Variants in CTNNAL1 observed in about 807,000 individuals in gnomAD.
CTNNAL1 encodes the protein alpha-catulin.
A neutral mutation model predicts 93.6 loss-of-function variants in CTNNAL1; 69 were observed. That is an observed-to-expected ratio of 0.74 (90% CI 0.61 to 0.90). The LOEUF (loss-of-function observed/expected upper bound fraction) is 0.90. CTNNAL1 is among the 40% of genes least tolerant of loss of function. The probability of loss-of-function intolerance (pLI) is 0.00; values close to 1 mark genes in which losing one functional copy is unlikely to be tolerated. For synonymous variants in CTNNAL1, 286 were observed against 305.4 expected (o/e 0.94, Z 0.66); for missense variants, 836 against 862.0 (o/e 0.97, Z 0.38).
chr9:108,979,402 T>C lies in CTNNAL1; in HGVS notation c.980A>G (p.Glu327Gly). Residue 327 changes from glutamate (E) to glycine (G), a missense_variant, in exon 7 of 19, where the codon GAG becomes GGG. Coordinates refer to ENST00000325551, the MANE Select transcript of CTNNAL1 (RefSeq NM_003798.4). ...AGAATCAGTAAAGTCCTCCATACGC[T>C]CCAAGATGACTTCCAATGTCACAGA... is the stretch of plus-strand genomic sequence containing the variant. The part of the protein sequence containing the change: ...NLSVTLEVIL[E>G]RMEDFTDSAY... 1 of 1,614,068 alleles carries C rather than the reference T, an allele frequency of 6.2e-7. No homozygotes were observed. Among genetic ancestry groups the C allele is most frequent in the Non-Finnish European group, 8.5e-7 (1 of 1,179,998 alleles).
intron 17 of CTNNAL1, among the ~76,000 whole-genome samples, 181 bp from the exon 18 acceptor site, chr9:108,943,225 G>C (rs1017051690): frequency 1.3e-5 from 2 of 152,182 alleles, no homozygotes; most frequent in Admixed American, 1.3e-4. Flanking sequence ...AGGGGTAGCT[G>C]CCTAGATTTC....
At chr9:108,967,044 C>G (rs1830973709) in intron 10 of CTNNAL1, among the ~76,000 whole-genome samples, 2 of 152,162 alleles carry the variant, frequency 1.3e-5, no homozygotes, top group East Asian at 3.9e-4. Flanking sequence ...CCACTTTCAC[C>G]TTCTATTCAT....
At chr9:108,948,593 A>T (rs1252730934) in intron 14 of CTNNAL1, among the ~76,000 whole-genome samples, 1 of 152,206 alleles carries the variant, frequency 6.6e-6, no homozygotes, top group Non-Finnish European at 1.5e-5. Context: ...TGGAAAGAGG[A>T]TCAAACCAAA....
chr9:108,981,464 CA>C (rs56666676), intron 6 of CTNNAL1, among the ~76,000 whole-genome samples: 30,669 of 135,810 alleles, frequency 0.23, 3,768 homozygotes, highest in East Asian at 0.32. Context: ...CTCTCCTCCT[CA>C]AAAAAAAAAG....
intron 6 of CTNNAL1, 85 bp from the exon 7 acceptor site, chr9:108,979,566 A>G (rs951321044): frequency 2.4e-6 from 3 of 1,243,416 alleles, no homozygotes; most frequent in African/African-American, 1.5e-5. Context: ...AACAGTGCCC[A>G]GGAAAACACT....
At chr9:108,953,630 CTT>C (rs1042565742) in intron 12 of CTNNAL1, among the ~76,000 whole-genome samples, 1 of 152,150 alleles carries the variant, frequency 6.6e-6, no homozygotes, top group Non-Finnish European at 1.5e-5. Context: ...ATTACCATGA[CTT>C]TTTACTTCTG....
rs184214971 is a variant in CTNNAL1, at chr9:109,001,312, T to C, written c.142-2056A>G. On this transcript the variant is annotated intron_variant, in intron 1 of 18. Coordinates refer to ENST00000325551, the MANE Select transcript of CTNNAL1 (RefSeq NM_003798.4). ...AAGGGTTTTTTAAACAGGAAAGTGA[T>C]ATAATCTCCGCAGTGGTTTGAAATC... 2.6e-5 allele frequency among the ~76,000 whole-genome samples: 4 copies of C among 152,118 alleles called. No individual in the cohort carries two copies. The East Asian group carries it at 5.8e-4, about 22-fold the overall frequency.
intron 11 of CTNNAL1, 152 bp downstream of exon 11, chr9:108,965,226 T>G: frequency 5.4e-6 from 3 of 559,750 alleles, no homozygotes; most frequent in Non-Finnish European, 8.5e-6. Context: ...AAAATAATAT[T>G]TTTGTAATTT....
At chr9:108,986,197 T>C (rs1423078126) in intron 4 of CTNNAL1, among the ~76,000 whole-genome samples, 3 of 132,644 alleles carry the variant, frequency 2.3e-5, no homozygotes, top group Admixed American at 8.0e-5. Context: ...CCCACAACAG[T>C]CCCCAGAGTG....
At chr9:108,992,556 C>A in intron 3 of CTNNAL1, 76 bp downstream of exon 3, 1 of 1,477,280 alleles carries the variant, frequency 6.8e-7, no homozygotes, top group Non-Finnish European at 9.0e-7. Context: ...CCAAGCAATC[C>A]ACCACTAAGA....
At chr9:108,983,815 G>A (rs959234966) in intron 5 of CTNNAL1, among the ~76,000 whole-genome samples, 1 of 152,184 alleles carries the variant, frequency 6.6e-6, no homozygotes, top group Non-Finnish European at 1.5e-5. Flanking sequence ...AGAAGAAAAG[G>A]TTATTCCAAA....
intron 1 of CTNNAL1, 24 bp from the exon 2 acceptor site, chr9:108,999,280 C>T (rs767493342): frequency 1.9e-6 from 3 of 1,568,382 alleles, no homozygotes; most frequent in Non-Finnish European, 2.6e-6. Flanking sequence ...ATAAAAGCAA[C>T]TTTTATCTCA....
chr9:108,968,351 T>C (rs748293984), intron 10 of CTNNAL1, among the ~76,000 whole-genome samples: 2 of 152,230 alleles, frequency 1.3e-5, no homozygotes, highest in Non-Finnish European at 2.9e-5. Flanking sequence ...TCTCAAGTTA[T>C]GCAGGTTATT....
intron 15 of CTNNAL1, among the ~76,000 whole-genome samples, chr9:108,947,586 T>G (rs1830444488): frequency 1.3e-5 from 2 of 152,170 alleles, no homozygotes; most frequent in Non-Finnish European, 2.9e-5. Context: ...TGCAACCCAC[T>G]TGCCAATCTA....
At chr9:108,977,635 C>A (rs28361139) in intron 7 of CTNNAL1, among the ~76,000 whole-genome samples, 11 of 152,240 alleles carry the variant, frequency 7.2e-5, no homozygotes, top group African/African-American at 2.4e-4. Flanking sequence ...CACTAGGCCA[C>A]GAAAGCTGGG....
intron 11 of CTNNAL1, among the ~76,000 whole-genome samples, chr9:108,963,246 AAG>A (rs1587955272): frequency 6.6e-6 from 1 of 152,328 alleles, no homozygotes; most frequent in East Asian, 1.9e-4. Context: ...ATGGAAATAA[AAG>A]AGAGAAGAAA....
chr9:108,972,968 G>A (rs1388979195), intron 8 of CTNNAL1, 135 bp from the exon 9 acceptor site: 29 of 1,090,240 alleles, frequency 2.7e-5, no homozygotes, highest in Admixed American at 5.9e-5. Context: ...AAGAGAAGCC[G>A]CAAAGCAGTT....
rs1443603823 is a variant in CTNNAL1, at chr9:108,944,011, G to T, written c.1892C>A (p.Ala631Asp). 2.5e-6 allele frequency: 4 copies of T among 1,613,378 alleles called. No homozygotes were observed. In the South Asian group the frequency reaches 4.4e-5, roughly 18 times the overall value. ...QDLIHQLEVF[A>D]AEGLKLTSSV... ...GGAAGTAAGCTTTAAACCCTCTGCA[G>T]CAAAAACCTGGTAGAAAGAGAAAAC... The change falls in exon 16 of 19, where the codon GCT (alanine) becomes GAT (aspartate). Residue 631 changes from alanine (A) to aspartate (D), a missense_variant. Physicochemically the swap from Ala to Asp is moderately radical, Grantham distance 126. Transcript: ENST00000325551.
chr9:108,996,019 TG>T (rs1199873436), intron 2 of CTNNAL1, among the ~76,000 whole-genome samples: 1 of 151,858 alleles, frequency 6.6e-6, no homozygotes, highest in Non-Finnish European at 1.5e-5. Context: ...TGGAGTGCAG[TG>T]GCACCATCAC....
Sources: allele counts gnomAD v4.1 joint callset (sites outside exome capture counted in the v4.1 genomes callset), GRCh38; gene constraint gnomAD v4.1.1; transcripts MANE v1.5; gene names NCBI Gene and HGNC (gene_info 2026-07-23, HGNC 2026-07-21).